The following CEP350 variants were observed in gnomAD, a reference collection of about 807,000 sequenced individuals.
The protein encoded by CEP350 is centrosomal protein 350.
A neutral mutation model predicts 331.8 loss-of-function variants in CEP350; 126 were observed. The observed-to-expected ratio is 0.38, with a 90% CI of 0.33 to 0.44. CEP350 has a LOEUF of 0.44. CEP350 is among the 20% of genes least tolerant of loss of function. CEP350 has a pLI of 1.00. For missense variants in CEP350, 3,406 were observed against 3,634.6 expected (o/e 0.94, Z 1.62); for synonymous variants, 1,200 against 1,259.5 (o/e 0.95, Z 1.00).
At chr1:179,969,492 A>C (rs948491949) in intron 1 of CEP350, 13 of 471,202 alleles carry the variant, frequency 2.8e-5, no homozygotes, top group African/African-American at 2.4e-4. Context: ...GGGTAGGAAT[A>C]AGCACTGAAT....
In CEP350 at chr1:180,046,259, A is replaced by G. The variant is rs891123007; in HGVS notation, c.4622+2086A>G. On this transcript the variant is annotated intron_variant, in intron 21 of 37. Transcript: ENST00000367607. Reference sequence around the variant, plus strand: ...TTACTCCCTATACCCTCCTCTGGCAACCACTAATCTGTTTCCTATCTCCGT... The same window carrying G: ...TTACTCCCTATACCCTCCTCTGGCAGCCACTAATCTGTTTCCTATCTCCGT... Among the ~76,000 whole-genome samples, 20 of 152,290 alleles carry G rather than the reference A, an allele frequency of 1.3e-4. No homozygotes were observed. In the East Asian group the frequency reaches 2.9e-3, roughly 22 times the overall value.
At chr1:179,957,611 A>G (rs925358055) in intron 1 of CEP350, among the ~76,000 whole-genome samples, 1 of 152,204 alleles carries the variant, frequency 6.6e-6, no homozygotes, top group African/African-American at 2.4e-5. Flanking sequence ...TAGTCCCAGA[A>G]TAATATTTTA....
intron 8 of CEP350, among the ~76,000 whole-genome samples, chr1:180,009,735 T>A (rs1654502865): frequency 6.6e-6 from 1 of 152,212 alleles, no homozygotes; most frequent in Non-Finnish European, 1.5e-5. Flanking sequence ...ATCAAGTTTC[T>A]TATAAATAGA....
intron 28 of CEP350, among the ~76,000 whole-genome samples, chr1:180,075,791 C>G (rs1659188927): frequency 6.6e-6 from 1 of 151,622 alleles, no homozygotes; most frequent in Non-Finnish European, 1.5e-5. Flanking sequence ...CCCGTCTCTA[C>G]TAAAATACAA....
At chr1:179,978,353 C>T (rs563947728) in intron 1 of CEP350, among the ~76,000 whole-genome samples, 1 of 152,224 alleles carries the variant, frequency 6.6e-6, no homozygotes, top group African/African-American at 2.4e-5. Flanking sequence ...ATTAGCACAT[C>T]CATCATCTCA....
intron 3 of CEP350, among the ~76,000 whole-genome samples, chr1:179,989,191 G>A (rs181869147): frequency 9.3e-4 from 142 of 151,958 alleles, no homozygotes; most frequent in African/African-American, 2.9e-3. Context: ...AGTGTCTCAC[G>A]CCTGTAATCG....
chr1:180,073,231 G>C (rs1310699516), intron 27 of CEP350, among the ~76,000 whole-genome samples: 1 of 152,116 alleles, frequency 6.6e-6, no homozygotes, highest in Non-Finnish European at 1.5e-5. Flanking sequence ...AGTAGGTCCT[G>C]TTAGCAGTAA....
intron 28 of CEP350, among the ~76,000 whole-genome samples, 166 bp from the exon 29 acceptor site, chr1:180,078,297 A>G (rs1243953880): frequency 1.3e-5 from 2 of 152,228 alleles, no homozygotes; most frequent in Non-Finnish European, 1.5e-5. Context: ...TGTGAAATAG[A>G]TAACCCAGAA....
intron 28 of CEP350, among the ~76,000 whole-genome samples, chr1:180,077,710 T>C (rs1399246459): frequency 1.4e-5 from 2 of 140,664 alleles, no homozygotes; most frequent in African/African-American, 5.1e-5. Flanking sequence ...AAATGGAACA[T>C]TATTCCATAT....
At chr1:179,971,793 T>C (rs773047989) in intron 1 of CEP350, among the ~76,000 whole-genome samples, 3 of 152,192 alleles carry the variant, frequency 2.0e-5, no homozygotes, top group African/African-American at 4.8e-5. Flanking sequence ...TCATATGTCA[T>C]GTGGCCTTTG....
At chr1:180,002,298 A>G (rs954658086) in intron 6 of CEP350, among the ~76,000 whole-genome samples, 1 of 152,046 alleles carries the variant, frequency 6.6e-6, no homozygotes. Context: ...ACATGGTGAA[A>G]CTCCGTCTCT....
At position 179,992,055 on chromosome 1, in the gene CEP350, C is replaced by T; in HGVS notation, c.236-7C>T. ...TATATGTTCTCACAGATTTCCTTTT[C>T]CTTCAGATGGTAGATACCTGGATGA... On this transcript the variant is annotated splice_region_variant and splice_polypyrimidine_tract_variant and intron_variant, in intron 4 of 37. Transcript: ENST00000367607. 6.6e-7 allele frequency: 1 copy of T among 1,518,290 alleles called. No individual in the cohort carries two copies. Among genetic ancestry groups the T allele is most frequent in the Non-Finnish European group, 8.8e-7 (1 of 1,139,722 alleles). 94.1% of individuals were successfully genotyped at this position (1,518,290 alleles called of 1,614,324 possible). A position where few individuals can be genotyped will look rare whatever the true frequency, so the allele number is the denominator to read the frequency against.
intron 11 of CEP350, among the ~76,000 whole-genome samples, chr1:180,018,849 C>T (rs1171759303): frequency 9.3e-6 from 1 of 107,580 alleles, no homozygotes; most frequent in African/African-American, 2.7e-5. Context: ...TTCGTCTTCT[C>T]TTTCTTTCTT....
intron 1 of CEP350, among the ~76,000 whole-genome samples, chr1:179,965,690 G>A (rs1036862476): frequency 4.5e-5 from 6 of 132,820 alleles, no homozygotes; most frequent in African/African-American, 1.1e-4. Flanking sequence ...GTGCAATCTC[G>A]GCTTACTGCA....
At chr1:179,994,148 C>T (rs1272522277) in intron 5 of CEP350, among the ~76,000 whole-genome samples, 5 of 152,028 alleles carry the variant, frequency 3.3e-5, no homozygotes, top group Non-Finnish European at 7.4e-5. Context: ...TAGTGAACAT[C>T]CTTATATGTA....
intron 33 of CEP350, 108 bp from the exon 34 acceptor site, chr1:180,092,506 T>G (rs1260278120): frequency 1.5e-6 from 1 of 662,620 alleles, no homozygotes; most frequent in Non-Finnish European, 2.5e-6. Context: ...ATTTATTGAC[T>G]AGAGGGGTTT....
At chr1:180,034,704 G>A (rs371713232) in intron 16 of CEP350, among the ~76,000 whole-genome samples, 1 of 152,078 alleles carries the variant, frequency 6.6e-6, no homozygotes, top group Non-Finnish European at 1.5e-5. Context: ...AACCATGTCC[G>A]TTTAAGAGGG....
At chr1:179,961,598 A>C (rs1407390486) in intron 1 of CEP350, among the ~76,000 whole-genome samples, 1 of 152,114 alleles carries the variant, frequency 6.6e-6, no homozygotes, top group Non-Finnish European at 1.5e-5. Flanking sequence ...ATGACTACAC[A>C]CTTGATAATA....
At chr1:180,021,168 TTAAG>T (rs1655297506) in intron 12 of CEP350, among the ~76,000 whole-genome samples, 159 bp downstream of exon 12, 1 of 152,228 alleles carries the variant, frequency 6.6e-6, no homozygotes, top group Admixed American at 6.5e-5. Context: ...CCTGCAAGCC[TTAAG>T]TAAGAGTATT....
Sources: gnomAD v4.1 joint callset for allele counts (sites outside exome capture counted in the v4.1 genomes callset) on GRCh38, gnomAD v4.1.1 for gene constraint, MANE v1.5 for transcripts, NCBI Gene and HGNC (gene_info 2026-07-23, HGNC 2026-07-21) for gene names.